USH1C: variants seen among roughly 807,000 people sequenced by gnomAD.
The protein encoded by USH1C is harmonin.
Under a neutral mutation model 119.3 loss-of-function variants are expected in USH1C, and 90 were observed. That is an observed-to-expected ratio of 0.75 (90% CI 0.64 to 0.90). The LOEUF (loss-of-function observed/expected upper bound fraction) is 0.90, where lower values mean the gene tolerates loss of function less well. USH1C is among the 40% of genes least tolerant of loss of function. The pLI, the probability that USH1C is intolerant of heterozygous loss-of-function variation, is 0.00. For missense variants in USH1C, 1,165 were observed against 1,167.7 expected (o/e 1.00, Z 0.03); for synonymous variants, 465 against 443.3 (o/e 1.05, Z -0.62).
rs2133900795 is a variant in USH1C, at chr11:17,527,345, A to G, written c.388-14T>C. The G allele has an allele frequency of 6.3e-7, 1 of 1,593,010 alleles. No homozygotes were observed. The highest frequency in any genetic ancestry group is 1.1e-5 in the South Asian group (1 of 90,686). ...CTCGTCCCCTACCTTGACCACAGAGAGAGGCAGGGAGCACCAGGTGGAGGG... is the reference window on the plus strand; with the variant it reads ...CTCGTCCCCTACCTTGACCACAGAGGGAGGCAGGGAGCACCAGGTGGAGGG... On this transcript the variant is annotated splice_polypyrimidine_tract_variant and intron_variant, in intron 4 of 26. Transcript: ENST00000005226.
chr11:17,519,428 G>A (rs905140505), intron 14 of USH1C, among the ~76,000 whole-genome samples: 2 of 152,168 alleles, frequency 1.3e-5, no homozygotes, highest in Non-Finnish European at 1.5e-5. Context: ...TGTTTAAAAG[G>A]CACTAAATAA....
chr11:17,508,062 C>A (rs914467808), intron 18 of USH1C, among the ~76,000 whole-genome samples: 2 of 152,020 alleles, frequency 1.3e-5, no homozygotes, highest in African/African-American at 4.8e-5. Flanking sequence ...CAGAGAGAGG[C>A]CCCAGGCAGG....
chr11:17,495,436 G>T lies in USH1C; in HGVS notation c.2655+133C>A, dbSNP rs1849209505. 3 of 927,692 alleles carry T rather than the reference G, an allele frequency of 3.2e-6. No homozygotes were observed. In the East Asian group the frequency reaches 7.2e-5, roughly 22 times the overall value. The allele number at this position is 927,692 out of a possible 1,614,324, so 57.5% of individuals were successfully genotyped here. A position where few individuals can be genotyped will look rare whatever the true frequency, so the allele number is the denominator to read the frequency against. On this transcript the variant is annotated intron_variant, in intron 26 of 26. Coordinates refer to ENST00000005226, the MANE Select transcript of USH1C (RefSeq NM_153676.4). ...CACTGTGGCCAACAGCAGGCCCCAG[G>T]CAGCACTTCAGGGATGGCGCCTTGT... is the stretch of plus-strand genomic sequence containing the variant.
At chr11:17,515,798 C>T (rs1328395810) in intron 15 of USH1C, among the ~76,000 whole-genome samples, 1 of 152,198 alleles carries the variant, frequency 6.6e-6, no homozygotes, top group African/African-American at 2.4e-5. Context: ...CTGTCCCAAC[C>T]TGAGGCAGCA....
At chr11:17,534,129 G>A (rs1851127642) in intron 1 of USH1C, among the ~76,000 whole-genome samples, 1 of 152,250 alleles carries the variant, frequency 6.6e-6, no homozygotes, top group African/African-American at 2.4e-5. Context: ...CCAAGAACGG[G>A]TAACAGAGCA....
At chr11:17,520,799 T>C (rs992135500) in intron 14 of USH1C, 71 bp downstream of exon 14, 10 of 1,570,454 alleles carry the variant, frequency 6.4e-6, no homozygotes, top group Middle Eastern at 2.0e-4. Context: ...TAGGAGGTGG[T>C]GGTGAGGGGA....
At chr11:17,515,202 A>T (rs1051509736) in intron 15 of USH1C, among the ~76,000 whole-genome samples, 4 of 152,196 alleles carry the variant, frequency 2.6e-5, no homozygotes, top group African/African-American at 9.7e-5. Context: ...AGATAGTCTT[A>T]TGAGACCAAG....
Position 17,531,301 on chromosome 11 carries a change from C to G in USH1C, c.249-9G>C. The G allele has an allele frequency of 6.2e-7, 1 of 1,614,174 alleles. No homozygotes were observed. The highest frequency in any genetic ancestry group is 1.1e-5 in the South Asian group (1 of 91,088). On this transcript the variant is annotated splice_polypyrimidine_tract_variant and intron_variant, in intron 3 of 26. Coordinates refer to ENST00000005226, the MANE Select transcript of USH1C (RefSeq NM_153676.4). This position sits in a 1 kb window ranked among gnomAD's most constrained non-coding sequence, Gnocchi z 4.2. The stretch of plus-strand genomic sequence containing the variant: ...GCACCTCCTTCAGCTTCCTGCCACA[C>G]AGGAGAGGTCGGTGATGGTGCAGCT...
Position 17,511,913 on chromosome 11 carries a change from G to A in USH1C, c.1402C>T (p.Leu468=). 1 of 1,613,776 alleles carries A rather than the reference G, an allele frequency of 6.2e-7. No individual in the cohort carries two copies. Among genetic ancestry groups the A allele is most frequent in the Non-Finnish European group, 8.5e-7 (1 of 1,179,932 alleles). The change falls in exon 16 of 27, where the codon CTG becomes TTG. Residue 468 remains leucine, a synonymous_variant. Coordinates refer to ENST00000005226, the MANE Select transcript of USH1C (RefSeq NM_153676.4). The part of the protein sequence containing the change: ...EKEKQLKINR[L]AQEVSETERE... ...GGCAGGACACATACCTCCTGGGCCA[G>A]CCGGTTGATCTTTAGCTGCTTTTCC...
chr11:17,511,878 C>A, intron 16 of USH1C, 24 bp downstream of exon 16: 1 of 1,605,002 alleles, frequency 6.2e-7, no homozygotes. Flanking sequence ...GGTTGCTTGC[C>A]TGGCCTGCAG....
At chr11:17,499,906 G>T (rs1228693121) in intron 23 of USH1C, among the ~76,000 whole-genome samples, 3 of 152,192 alleles carry the variant, frequency 2.0e-5, no homozygotes, top group Non-Finnish European at 4.4e-5. Flanking sequence ...GCCTAGGACT[G>T]CCTGGAAGGG....
At position 17,501,711 on chromosome 11, in the gene USH1C, T is replaced by C. The variant is rs536994865; in HGVS notation, c.2227-176A>G. Among the ~76,000 whole-genome samples, 11 of 152,120 alleles carry C rather than the reference T, an allele frequency of 7.2e-5. No individual in the cohort carries two copies. In the East Asian group the frequency reaches 2.1e-3, roughly 30 times the overall value. On this transcript the variant is annotated intron_variant, in intron 21 of 26. Coordinates refer to ENST00000005226, the MANE Select transcript of USH1C (RefSeq NM_153676.4). ...CTTCAACTGGGGGTCCCAGGCCCCA[T>C]GGGGACAGTGGACACACACACGTGC...
chr11:17,507,123 GCTGA>G (rs1210014732), intron 18 of USH1C, among the ~76,000 whole-genome samples: 3 of 152,172 alleles, frequency 2.0e-5, no homozygotes, highest in African/African-American at 4.8e-5. Context: ...TGGTGGCTGG[GCTGA>G]CTGTGTGGGC....
At chr11:17,502,610 A>C (rs1244429324) in intron 20 of USH1C, among the ~76,000 whole-genome samples, 2 of 152,224 alleles carry the variant, frequency 1.3e-5, no homozygotes, top group Admixed American at 1.3e-4. Flanking sequence ...TGCGGAGCGC[A>C]GGTTGGCCCT....
Position 17,531,430 on chromosome 11 carries a change from C to G in USH1C, c.217G>C (p.Glu73Gln), listed in dbSNP as rs1182093939. 2 of 1,613,942 alleles carry G rather than the reference C, an allele frequency of 1.2e-6. No individual in the cohort carries two copies. Among genetic ancestry groups the G allele is most frequent in the African/African-American group, 2.7e-5 (2 of 74,930 alleles). The stretch of plus-strand genomic sequence containing the variant: ...CGCCGGGGGGTCAGCTGATCATATT[C>G]CACCTGGTGCTTCAGTGGGATCAGC... Reference protein sequence around the residue: ...RPLIPLKHQVEYDQLTPRRSR... With the variant: ...RPLIPLKHQVQYDQLTPRRSR... The change falls in exon 3 of 27, where the codon GAA becomes CAA. Residue 73 changes from glutamate to glutamine, a missense_variant. By Grantham distance (29) the Glu-to-Gln change is conservative. Transcript: ENST00000005226. This position sits in a 1 kb window ranked among gnomAD's most constrained non-coding sequence, Gnocchi z 4.2.
chr11:17,529,828 G>A (rs903372906), intron 4 of USH1C, among the ~76,000 whole-genome samples: 5 of 152,180 alleles, frequency 3.3e-5, no homozygotes, highest in African/African-American at 9.7e-5. Context: ...CAGCCAGGAA[G>A]GTAAAACTGT....
intron 26 of USH1C, 43 bp downstream of exon 26, chr11:17,495,526 C>G: frequency 6.3e-7 from 1 of 1,588,576 alleles, no homozygotes; most frequent in Non-Finnish European, 8.6e-7. Context: ...CCACTGCAAG[C>G]AGCAGGGACA....
rs781176348 is a variant in USH1C, at chr11:17,510,519, C to CCCAGGGGGTCTCAG, written c.1415_1416insCTGAGACCCCCTGG (p.Ser473Ter). 109 of 1,611,848 alleles carry CCCAGGGGGTCTCAG rather than the reference C, an allele frequency of 6.8e-5. No individual in the cohort carries two copies. Among genetic ancestry groups the CCCAGGGGGTCTCAG allele is most frequent in the Non-Finnish European group, 8.8e-5 (104 of 1,178,046 alleles). On this transcript the variant is annotated stop_gained and frameshift_variant and splice_region_variant, in exon 17 of 27. Coordinates refer to ENST00000005226, the MANE Select transcript of USH1C (RefSeq NM_153676.4). LOFTEE classifies it high-confidence loss of function. ...CAAGGTCTTCCCGCTCTGTCTCAGACACCTGGGACCCAGGATCGGCGCAGA... is the reference window on the plus strand; with the variant it reads ...CAAGGTCTTCCCGCTCTGTCTCAGACCCAGGGGGTCTCAGACCTGGGACCCAGGATCGGCGCAGA...
rs1366585880 is a variant in USH1C, at chr11:17,520,878, T to G, written c.1202A>C (p.Lys401Thr). 1 of 1,614,198 alleles carries G rather than the reference T, an allele frequency of 6.2e-7. No individual in the cohort carries two copies. Among genetic ancestry groups the G allele is most frequent in the East Asian group, 2.2e-5 (1 of 44,884 alleles). ...CGGCTCATGAAACTTACACTTTGGC[T>G]TGCGAAGGGGTACTGGGTGTACCTC... ...TAEVHPVPLRKPKSFGWFYRY... is the reference protein window; with the variant it reads ...TAEVHPVPLRTPKSFGWFYRY... The change falls in exon 14 of 27, where the codon AAG (lysine) becomes ACG (threonine). Residue 401 changes from lysine to threonine, a missense_variant. Lys to Thr is a moderately conservative substitution (Grantham distance 78). Transcript: ENST00000005226.
Sources: gnomAD v4.1 joint callset for allele counts (sites outside exome capture counted in the v4.1 genomes callset) on GRCh38, gnomAD v4.1.1 for gene constraint, Gnocchi (gnomAD v3.1) non-coding constraint, MANE v1.5 for transcripts, NCBI Gene and HGNC (gene_info 2026-07-23, HGNC 2026-07-21) for gene names.